Variants in KIF15 observed in about 807,000 individuals in gnomAD.
The protein encoded by KIF15 is kinesin-like protein KIF15.
A neutral mutation model predicts 190.6 loss-of-function variants in KIF15; 140 were observed. The observed-to-expected ratio is 0.73, with a 90% CI of 0.64 to 0.84. The LOEUF is 0.84. KIF15 is among the 40% of genes least tolerant of loss of function. The pLI is 0.00. For synonymous variants in KIF15, 528 were observed against 551.3 expected, an observed-to-expected ratio of 0.96 and a Z score of 0.59; for missense variants, 1,372 against 1,584.4, an observed-to-expected ratio of 0.87 and a Z score of 2.28.
At chr3:44,811,159 A>G (rs1282444141) in intron 17 of KIF15, 116 bp downstream of exon 17, 13 of 739,710 alleles carry the variant, frequency 1.8e-5, no homozygotes, top group Non-Finnish European at 2.3e-5. Context: ...TTAAAATCAT[A>G]TCTTTTTAAG....
intron 26 of KIF15, among the ~76,000 whole-genome samples, chr3:44,835,029 CAT>C (rs992405614): frequency 6.0e-5 from 9 of 150,226 alleles, no homozygotes; most frequent in African/African-American, 2.2e-4. Flanking sequence ...AGTTTAAAAA[CAT>C]AACAGGAGCT....
intron 17 of KIF15, among the ~76,000 whole-genome samples, chr3:44,811,605 A>G (rs1415466045): frequency 1.2e-4 from 19 of 152,216 alleles, no homozygotes; most frequent in Non-Finnish European, 2.1e-4. Context: ...AGATCGCGCC[A>G]CTGCACTCTA....
At chr3:44,778,513 C>G (rs1201534387) in intron 4 of KIF15, among the ~76,000 whole-genome samples, 3 of 152,140 alleles carry the variant, frequency 2.0e-5, no homozygotes, top group Non-Finnish European at 2.9e-5. Flanking sequence ...ACTCTTCTTC[C>G]TTAGTCACAC....
chr3:44,778,127 G>C lies in KIF15; in HGVS notation c.259G>C (p.Ala87Pro). The change falls in exon 4 of 35, where the codon GCA (alanine) becomes CCA (proline). Residue 87 changes from alanine (A) to proline (P), a missense_variant. Physicochemically the swap from Ala to Pro is conservative, Grantham distance 27 (BLOSUM62 -1). Transcript: ENST00000326047. ...GTTACATTTGTAGGAATCTGTATTC[G>C]CAACTGTGGCTAAAAGCATTGTGGA... is the stretch of plus-strand genomic sequence containing the variant. ...DVDTTQESVF[A>P]TVAKSIVESC... 1 of 1,613,146 alleles carries C rather than the reference G, an allele frequency of 6.2e-7. No homozygotes were observed. The highest frequency in any genetic ancestry group is 2.2e-5 in the East Asian group (1 of 44,856).
chr3:44,833,437 T>C (rs1240673565), intron 26 of KIF15, among the ~76,000 whole-genome samples: 1 of 151,882 alleles, frequency 6.6e-6, no homozygotes, highest in East Asian at 1.9e-4. Context: ...TTCCTGCAAC[T>C]AGATGGTCCT....
At chr3:44,786,626 A>G (rs1395094200) in intron 7 of KIF15, 52 bp downstream of exon 7, 9 of 1,455,474 alleles carry the variant, frequency 6.2e-6, no homozygotes, top group Non-Finnish European at 8.4e-6. Flanking sequence ...CCTGCTGTGA[A>G]TGCACCCCAA....
chr3:44,829,451 G>T (rs368819207), intron 24 of KIF15, among the ~76,000 whole-genome samples: 1 of 129,160 alleles, frequency 7.7e-6, no homozygotes. Flanking sequence ...TATTATATAC[G>T]CATATATAAT....
intron 8 of KIF15, among the ~76,000 whole-genome samples, chr3:44,795,654 A>G (rs1412062515): frequency 6.8e-6 from 1 of 146,650 alleles, no homozygotes; most frequent in Non-Finnish European, 1.5e-5. Flanking sequence ...CAGAGGTTCT[A>G]TGTAATATGT....
In KIF15 at chr3:44,767,061, C is replaced by T. The variant is rs562787963; in HGVS notation, c.19+5177C>T. Among the ~76,000 whole-genome samples, 26 of 152,214 alleles carry T rather than the reference C, an allele frequency of 1.7e-4. No individual in the cohort carries two copies. In the East Asian group the frequency reaches 4.6e-3, roughly 27 times the overall value. ...TCCTGACCTCGTGATCCGCCCGCTTCGGCCTCCCAAAGTACTGGGATTACA... is the reference window on the plus strand; with the variant it reads ...TCCTGACCTCGTGATCCGCCCGCTTTGGCCTCCCAAAGTACTGGGATTACA... On this transcript the variant is annotated intron_variant, in intron 1 of 34. Coordinates refer to ENST00000326047, the MANE Select transcript of KIF15 (RefSeq NM_020242.3).
rs1436090173 is a variant in KIF15 at position 44,801,307 on chromosome 3, C to T, written c.1223-143C>T. 6.2e-6 allele frequency: 3 copies of T among 483,348 alleles called. No homozygotes were observed. The South Asian group carries it at 8.8e-5, about 14-fold the overall frequency. 29.9% of individuals were successfully genotyped at this position (483,348 alleles called of 1,614,324 possible). The stretch of plus-strand genomic sequence containing the variant: ...TCAGCCTCCTAAAGTGCTGGGATTA[C>T]AGGCATGAGCCACTGTGCCCGGCCA... On this transcript the variant is annotated intron_variant, in intron 11 of 34. Coordinates refer to ENST00000326047, the MANE Select transcript of KIF15 (RefSeq NM_020242.3).
chr3:44,790,703 T>C (rs920368824), intron 7 of KIF15, among the ~76,000 whole-genome samples: 18 of 144,038 alleles, frequency 1.2e-4, no homozygotes, highest in African/African-American at 4.4e-4. Context: ...TTCTTTTTTT[T>C]TTTTTTTTTT....
At chr3:44,800,664 C>T (rs943899247) in intron 11 of KIF15, among the ~76,000 whole-genome samples, 1 of 152,090 alleles carries the variant, frequency 6.6e-6, no homozygotes, top group Non-Finnish European at 1.5e-5. Flanking sequence ...TGTATAAGTG[C>T]TAAAAAGAGA....
At chr3:44,838,881 TCAGCTG>T (rs889311725) in intron 27 of KIF15, among the ~76,000 whole-genome samples, 1 of 152,074 alleles carries the variant, frequency 6.6e-6, no homozygotes, top group East Asian at 1.9e-4. Flanking sequence ...TGAGACTTGC[TCAGCTG>T]CCTCCCACCC....
chr3:44,816,714 C>T (rs1708047083), intron 20 of KIF15, among the ~76,000 whole-genome samples: 1 of 152,130 alleles, frequency 6.6e-6, no homozygotes, highest in Admixed American at 6.5e-5. Context: ...GTGCATGTGT[C>T]TTTATAGTAG....
chr3:44,861,836 A>G, intron 6 of KIF15: 4 of 1,361,594 alleles, frequency 2.9e-6, no homozygotes, highest in Non-Finnish European at 3.0e-6. Context: ...GCGTCACAGG[A>G]GCGTCGCGTC....
chr3:44,776,525 C>T (rs1228452100), intron 3 of KIF15, among the ~76,000 whole-genome samples: 1 of 152,062 alleles, frequency 6.6e-6, no homozygotes, highest in African/African-American at 2.4e-5. Context: ...AAGTCAGTTC[C>T]TCATATACAC....
intron 10 of KIF15, chr3:44,799,273 C>T (rs1707141017): frequency 2.2e-6 from 1 of 456,592 alleles, no homozygotes; most frequent in Admixed American, 2.3e-5. Flanking sequence ...CAAGAGCCTT[C>T]TACTAGTCAC....
chr3:44,865,498 T>A (rs1321210179), intron 6 of KIF15: 1 of 308,510 alleles, frequency 3.2e-6, no homozygotes, highest in East Asian at 5.2e-5. Context: ...ACGCTGTAAT[T>A]ATTGTCCTGT....
chr3:44,775,120 T>A, intron 2 of KIF15, 134 bp from the exon 3 acceptor site: 1 of 665,574 alleles, frequency 1.5e-6, no homozygotes, highest in Non-Finnish European at 2.5e-6. Flanking sequence ...AAGAGGTAAA[T>A]TTGTATGGGA....
Sources: gnomAD v4.1 joint callset for allele counts (sites outside exome capture counted in the v4.1 genomes callset) on GRCh38, gnomAD v4.1.1 for gene constraint, MANE v1.5 for transcripts, NCBI Gene and HGNC (gene_info 2026-07-23, HGNC 2026-07-21) for gene names.